FSTL4: variants seen among roughly 807,000 people sequenced by gnomAD.
The protein encoded by FSTL4 is follistatin like 4.
FSTL4 carries 28 observed loss-of-function variants against 78.2 expected under a neutral mutation model. That is an observed-to-expected ratio of 0.36 (90% CI 0.27 to 0.49). The LOEUF (loss-of-function observed/expected upper bound fraction) is 0.49. Among genes scored for constraint, FSTL4 ranks in the 20% least tolerant of loss-of-function variants. The probability of loss-of-function intolerance (pLI) is 0.98; values close to 1 mark genes in which losing one functional copy is unlikely to be tolerated. For synonymous variants in FSTL4, 422 were observed against 440.5 expected (o/e 0.96, Z 0.53); for missense variants, 922 against 1,084.9 (o/e 0.85, Z 2.11).
the FSTL4 span, among the ~76,000 whole-genome samples, chr5:133,674,591 G>GTGTGTA: frequency 1.3e-5 from 2 of 150,348 alleles, no homozygotes; most frequent in South Asian, 4.3e-4. Context: ...CCATATGTGT[G>GTGTGTA]TGTGTGTGTG....
At chr5:133,384,755 C>A (rs1755658927) in intron 4 of FSTL4, among the ~76,000 whole-genome samples, 1 of 152,196 alleles carries the variant, frequency 6.6e-6, no homozygotes, top group Non-Finnish European at 1.5e-5. Flanking sequence ...TGCTGCCTCC[C>A]CTTGCATCCA....
chr5:133,434,209 G>A (rs1005268593), intron 3 of FSTL4, among the ~76,000 whole-genome samples: 3 of 152,144 alleles, frequency 2.0e-5, no homozygotes, highest in East Asian at 1.9e-4. Context: ...CTCAAGGTGC[G>A]CTTTGGAAGT....
intron 4 of FSTL4, among the ~76,000 whole-genome samples, 156 bp from the exon 5 acceptor site, chr5:133,316,808 T>C (rs1382805274): frequency 6.6e-6 from 1 of 152,192 alleles, no homozygotes; most frequent in Non-Finnish European, 1.5e-5. Flanking sequence ...CTTGTTTGTG[T>C]TCTGCTCACC....
intron 4 of FSTL4, among the ~76,000 whole-genome samples, chr5:133,318,990 C>T (rs1252776353): frequency 2.0e-5 from 3 of 152,258 alleles, no homozygotes; most frequent in African/African-American, 7.2e-5. Flanking sequence ...TGTAGAGCTA[C>T]ACGGACTGGC....
chr5:133,751,272 G>C, the FSTL4 span, among the ~76,000 whole-genome samples: 1 of 152,216 alleles, frequency 6.6e-6, no homozygotes, highest in Admixed American at 6.5e-5. Flanking sequence ...TGAGAGTTTG[G>C]CAGGCCTTTC....
chr5:133,531,253 T>C (rs560306621), intron 3 of FSTL4, among the ~76,000 whole-genome samples: 2 of 152,234 alleles, frequency 1.3e-5, no homozygotes, highest in South Asian at 4.2e-4. Flanking sequence ...GGCACCTCTT[T>C]GGAAGAATGT....
intron 3 of FSTL4, among the ~76,000 whole-genome samples, chr5:133,516,235 C>T (rs2112892961): frequency 1.3e-5 from 2 of 151,726 alleles, no homozygotes; most frequent in Admixed American, 6.6e-5. Flanking sequence ...GACAAGAATA[C>T]AAGATAATAG....
intron 3 of FSTL4, among the ~76,000 whole-genome samples, chr5:133,543,294 A>T (rs1319450015): frequency 6.6e-6 from 1 of 152,062 alleles, no homozygotes; most frequent in Non-Finnish European, 1.5e-5. Flanking sequence ...TCAAGCAATC[A>T]TCCCACCTCA....
chr5:133,659,929 A>G, the FSTL4 span, among the ~76,000 whole-genome samples: 9 of 152,158 alleles, frequency 5.9e-5, no homozygotes, highest in African/African-American at 2.2e-4. Flanking sequence ...GGAAGGAAAT[A>G]AAGGAGGGAG....
rs1338022326 is a variant in FSTL4 at position 133,199,805 on chromosome 5, G to C, written c.1827-8C>G. On this transcript the variant is annotated splice_polypyrimidine_tract_variant and splice_region_variant and intron_variant, in intron 15 of 15. Transcript: ENST00000265342. The surrounding 1 kb of genome is among the most constrained non-coding windows in gnomAD (Gnocchi z 4.4). The stretch of plus-strand genomic sequence containing the variant: ...TTGAAGATGAAGCCAAACCTGGGAG[G>C]GGAAGAACTGAGGTCAGAAGTTGCC... The C allele has an allele frequency of 6.6e-7, 1 of 1,504,434 alleles. No homozygotes were observed. Among genetic ancestry groups the C allele is most frequent in the South Asian group, 1.2e-5 (1 of 81,842 alleles). The allele number at this position is 1,504,434 out of a possible 1,614,324, so 93.2% of individuals were successfully genotyped here. A position where few individuals can be genotyped will look rare whatever the true frequency, so the allele number is the denominator to read the frequency against.
chr5:133,609,795 A>G (rs1761052907), intron 1 of FSTL4, among the ~76,000 whole-genome samples: 1 of 152,250 alleles, frequency 6.6e-6, no homozygotes, highest in Non-Finnish European at 1.5e-5. Context: ...CTTTATCCTT[A>G]CAACCTTCAG....
Position 133,366,685 on chromosome 5 carries a change from C to A in FSTL4, c.409+34053G>T, listed in dbSNP as rs186205545. On this transcript the variant is annotated intron_variant, in intron 4 of 15. Transcript: ENST00000265342. ...GGTGACTCAAGAAGTCAGGTGAAAC[C>A]CAGCACTCAGAATCTGAACTCACTG... Among the ~76,000 whole-genome samples, 8 of 151,880 alleles carry A rather than the reference C, an allele frequency of 5.3e-5. No individual in the cohort carries two copies. In the East Asian group the frequency reaches 1.4e-3, roughly 26 times the overall value.
chr5:133,685,369 A>G, the FSTL4 span, among the ~76,000 whole-genome samples: 63,080 of 151,980 alleles, frequency 0.42, 13,376 homozygotes, highest in African/African-American at 0.5. Flanking sequence ...GTCCTTGGCC[A>G]GCTGCGTTGG....
intron 3 of FSTL4, among the ~76,000 whole-genome samples, chr5:133,460,020 C>T (rs777973708): frequency 5.3e-5 from 8 of 152,138 alleles, no homozygotes; most frequent in East Asian, 1.9e-4. Flanking sequence ...GGGTGTACGC[C>T]GAGTAAATGA....
chr5:133,285,603 T>C (rs1308108393), intron 6 of FSTL4, among the ~76,000 whole-genome samples: 1 of 152,252 alleles, frequency 6.6e-6, no homozygotes, highest in Admixed American at 6.5e-5. Context: ...GGGCATGTCC[T>C]GCCACCACAA....
At chr5:133,653,673 G>A in the FSTL4 span, among the ~76,000 whole-genome samples, 1 of 152,214 alleles carries the variant, frequency 6.6e-6, no homozygotes, top group African/African-American at 2.4e-5. Context: ...CACTGTCCAT[G>A]CTGAGATTGA....
chr5:133,589,450 C>G (rs902011926), intron 2 of FSTL4, among the ~76,000 whole-genome samples: 12 of 151,994 alleles, frequency 7.9e-5, no homozygotes, highest in Middle Eastern at 6.3e-3. Context: ...CCTCACTGTC[C>G]CATGTGAGGG....
chr5:133,486,874 T>C (rs1758148764), intron 3 of FSTL4, among the ~76,000 whole-genome samples: 1 of 152,110 alleles, frequency 6.6e-6, no homozygotes, highest in Admixed American at 6.6e-5. Context: ...GTTTGACCTA[T>C]GAGGAAATTG....
chr5:133,810,467 C>A, the FSTL4 span, among the ~76,000 whole-genome samples: 1 of 152,152 alleles, frequency 6.6e-6, no homozygotes, highest in African/African-American at 2.4e-5. Flanking sequence ...TATCCAAGGT[C>A]CATTGTCTCA....
Sources: allele counts gnomAD v4.1 joint callset (sites outside exome capture counted in the v4.1 genomes callset), GRCh38; gene constraint gnomAD v4.1.1; non-coding constraint Gnocchi (gnomAD v3.1); transcripts MANE v1.5; gene names NCBI Gene and HGNC (gene_info 2026-07-23, HGNC 2026-07-21).